TENM4: variants seen among roughly 807,000 people sequenced by gnomAD.
TENM4 encodes the protein teneurin-4.
TENM4 carries 82 observed loss-of-function variants against 243.3 expected under a neutral mutation model. The ratio of observed to expected loss-of-function variants is 0.34; its 90% CI spans 0.28 to 0.40. The LOEUF is 0.40. Ranked by LOEUF, TENM4 falls within the 10% of genes least tolerant of loss-of-function variation. The pLI is 1.00. For missense variants in TENM4, 3,138 were observed against 3,673.3 expected (o/e 0.85, Z 3.77); for synonymous variants, 1,412 against 1,456.3 (o/e 0.97, Z 0.69).
At chr11:79,167,414 A>G (rs1324649320) in intron 3 of TENM4, among the ~76,000 whole-genome samples, 1 of 152,204 alleles carries the variant, frequency 6.6e-6, no homozygotes, top group African/African-American at 2.4e-5. Context: ...AGAATATTCT[A>G]AGTGCACACT....
intron 19 of TENM4, among the ~76,000 whole-genome samples, chr11:78,743,721 C>A (rs1855983170): frequency 6.6e-6 from 1 of 152,106 alleles, no homozygotes; most frequent in Non-Finnish European, 1.5e-5. Context: ...ATCTGAAAAA[C>A]TTTGAAAAAG....
intron 24 of TENM4, among the ~76,000 whole-genome samples, chr11:78,720,637 G>C (rs1565348154): frequency 6.6e-6 from 1 of 152,224 alleles, no homozygotes; most frequent in African/African-American, 2.4e-5. Context: ...TGCTGACTTT[G>C]GGGGAAGAGG....
intron 1 of TENM4, among the ~76,000 whole-genome samples, chr11:79,376,855 T>C (rs868454206): frequency 5.3e-5 from 8 of 152,194 alleles, no homozygotes; most frequent in Middle Eastern, 3.2e-3. Flanking sequence ...TTATTCTCTA[T>C]GCAGCCCCTA....
intron 6 of TENM4, among the ~76,000 whole-genome samples, chr11:79,011,807 A>C (rs1858649501): frequency 6.6e-6 from 1 of 152,244 alleles, no homozygotes; most frequent in South Asian, 2.1e-4. Context: ...CATAAAGAAG[A>C]GTGTGAAATT....
At chr11:78,844,639 TA>T (rs574368443) in intron 12 of TENM4, among the ~76,000 whole-genome samples, 393 of 137,334 alleles carry the variant, frequency 2.9e-3, no homozygotes, top group Admixed American at 2.8e-3. Context: ...AGACTCTGTC[TA>T]AAAAAAAAAA....
At position 78,899,877 on chromosome 11, in the gene TENM4, C is replaced by A. The variant is rs558716420; in HGVS notation, c.749+3391G>T. On this transcript the variant is annotated intron_variant, in intron 7 of 33. Coordinates refer to ENST00000278550, the MANE Select transcript of TENM4 (RefSeq NM_001098816.3). ...GCTTGTGTCATATTTCTTGTAAAGT[C>A]TGCAGAACTGTAAGCCAAATAAATC... Among the ~76,000 whole-genome samples, 9 of 152,286 alleles carry A rather than the reference C, an allele frequency of 5.9e-5. No individual in the cohort carries two copies. The South Asian group carries it at 1.9e-3, about 32-fold the overall frequency.
chr11:79,407,891 TTTTTTC>T (rs1242671378), intron 1 of TENM4, among the ~76,000 whole-genome samples: 1 of 151,722 alleles, frequency 6.6e-6, no homozygotes, highest in African/African-American at 2.4e-5. Flanking sequence ...AAGATTTGCA[TTTTTTC>T]TTTTTCTTTT....
chr11:78,931,145 C>T (rs895791395), intron 6 of TENM4, among the ~76,000 whole-genome samples: 3 of 152,138 alleles, frequency 2.0e-5, no homozygotes, highest in Admixed American at 1.3e-4. Flanking sequence ...AAAAAGGTGC[C>T]AGCTTGCTAT....
chr11:79,274,705 G>C (rs1165996965), intron 2 of TENM4, among the ~76,000 whole-genome samples: 4 of 152,074 alleles, frequency 2.6e-5, no homozygotes, highest in Non-Finnish European at 4.4e-5. Context: ...TTATAAATTG[G>C]GGGGGAAAAA....
intron 1 of TENM4, among the ~76,000 whole-genome samples, chr11:79,305,115 C>A (rs2135404215): frequency 6.6e-6 from 1 of 152,338 alleles, no homozygotes; most frequent in South Asian, 2.1e-4. Context: ...GAACGTCAGA[C>A]TCAGATTACA....
At chr11:79,243,139 G>A (rs1317836943) in intron 2 of TENM4, among the ~76,000 whole-genome samples, 1 of 152,102 alleles carries the variant, frequency 6.6e-6, no homozygotes, top group East Asian at 1.9e-4. Flanking sequence ...GGGCACTGAG[G>A]GGGGCCTTGT....
At chr11:78,787,609 G>C (rs953108270) in intron 15 of TENM4, among the ~76,000 whole-genome samples, 2 of 152,198 alleles carry the variant, frequency 1.3e-5, no homozygotes, top group Non-Finnish European at 2.9e-5. Context: ...ATTGAGGTTG[G>C]GGTGCGGGAG....
At chr11:78,908,164 T>G (rs1387204522) in intron 6 of TENM4, among the ~76,000 whole-genome samples, 1 of 152,204 alleles carries the variant, frequency 6.6e-6, no homozygotes, top group African/African-American at 2.4e-5. Context: ...GAGCCGTATG[T>G]AAGAGAAAGA....
intron 4 of TENM4, among the ~76,000 whole-genome samples, chr11:79,094,317 ACAG>A (rs1861028211): frequency 6.6e-6 from 1 of 152,150 alleles, no homozygotes; most frequent in South Asian, 2.1e-4. Context: ...TTTATCCCTC[ACAG>A]CAGCTCTGTG....
At chr11:78,786,604 C>A (rs1856940735) in intron 16 of TENM4, among the ~76,000 whole-genome samples, 1 of 152,228 alleles carries the variant, frequency 6.6e-6, no homozygotes, top group South Asian at 2.1e-4. Flanking sequence ...CACAGAGCTC[C>A]CTGACACAGA....
In TENM4 at chr11:79,140,080, C is replaced by G. The variant is rs1028716113; in HGVS notation, c.-66+8630G>C. The stretch of plus-strand genomic sequence containing the variant: ...CAGGGCACAGAGCCCTTCACATCTG[C>G]CCCTGCCAATGTCTTCTGGATCGTC... On this transcript the variant is annotated intron_variant, in intron 4 of 33. Coordinates refer to ENST00000278550, the MANE Select transcript of TENM4 (RefSeq NM_001098816.3). 1.3e-4 allele frequency among the ~76,000 whole-genome samples: 19 copies of G among 151,804 alleles called. No individual in the cohort carries two copies. In the East Asian group the frequency reaches 3.5e-3, roughly 28 times the overall value.
At chr11:78,791,499 T>G (rs970499658) in intron 15 of TENM4, among the ~76,000 whole-genome samples, 6 of 152,162 alleles carry the variant, frequency 3.9e-5, no homozygotes, top group African/African-American at 1.4e-4. Flanking sequence ...CTACTATACT[T>G]TGGAGGACTG....
At chr11:79,308,490 C>T (rs961787922) in intron 1 of TENM4, among the ~76,000 whole-genome samples, 4 of 152,148 alleles carry the variant, frequency 2.6e-5, no homozygotes, top group East Asian at 1.9e-4. Flanking sequence ...TATCTGATTC[C>T]TCCTGGTAAC....
At chr11:78,912,841 T>C (rs923918000) in intron 6 of TENM4, among the ~76,000 whole-genome samples, 5 of 152,236 alleles carry the variant, frequency 3.3e-5, no homozygotes, top group Non-Finnish European at 7.3e-5. Context: ...AGCATGGGGC[T>C]TGCATAATTT....
Sources: gnomAD v4.1 joint callset for allele counts (sites outside exome capture counted in the v4.1 genomes callset) on GRCh38, gnomAD v4.1.1 for gene constraint, MANE v1.5 for transcripts, NCBI Gene and HGNC (gene_info 2026-07-23, HGNC 2026-07-21) for gene names.